The following PPM1J variants were observed in gnomAD, a reference collection of about 807,000 sequenced individuals.
PPM1J encodes protein phosphatase 1J.
Under a neutral mutation model 53.3 loss-of-function variants are expected in PPM1J, and 43 were observed. The observed-to-expected ratio is 0.81, with a 90% CI of 0.63 to 1.04. PPM1J has a LOEUF of 1.04. Ranked by LOEUF, PPM1J falls within the 50% of genes least tolerant of loss-of-function variation. The pLI is 0.00. For missense variants in PPM1J, 635 were observed against 685.9 expected, an observed-to-expected ratio of 0.93 and a Z score of 0.83; for synonymous variants, 267 against 286.4, an observed-to-expected ratio of 0.93 and a Z score of 0.68.
At position 112,710,452 on chromosome 1, in the gene PPM1J, G is replaced by T. The variant is rs753026059; in HGVS notation, c.1370+8C>A. ...CATCCCCTTACCACCATGCCATGCAGCCCCTACCTGCTGTGGTCATTAGGC... is the reference window on the plus strand; with the variant it reads ...CATCCCCTTACCACCATGCCATGCATCCCCTACCTGCTGTGGTCATTAGGC... On this transcript the variant is annotated splice_region_variant and intron_variant, in intron 9 of 9. Coordinates refer to ENST00000309276, the MANE Select transcript of PPM1J (RefSeq NM_005167.7). 3.8e-5 allele frequency: 61 copies of T among 1,613,410 alleles called. No homozygotes were observed. Among genetic ancestry groups the T allele is most frequent in the Non-Finnish European group, 4.9e-5 (58 of 1,179,974 alleles).
intron 1 of PPM1J, among the ~76,000 whole-genome samples, chr1:112,713,848 G>A (rs1233191640): frequency 1.3e-5 from 2 of 151,856 alleles, no homozygotes; most frequent in South Asian, 2.1e-4. Flanking sequence ...CTGGCCAACC[G>A]CTATGTCCCC....
At position 112,712,460 on chromosome 1, in the gene PPM1J, GCC is replaced by G. The variant is rs1371348937; in HGVS notation, c.730-5_730-4del. The G allele has an allele frequency of 4.3e-6, 7 of 1,612,458 alleles. No individual in the cohort carries two copies. The South Asian group carries it at 7.7e-5, about 18-fold the overall frequency. Reference sequence around the variant, plus strand: ...CGCTCCCGGGCCATCTGCTCATCCTGCCACATAAGGAAGGGTCAGAGGTGGGT... The same window carrying G: ...CGCTCCCGGGCCATCTGCTCATCCTGACATAAGGAAGGGTCAGAGGTGGGT... On this transcript the variant is annotated splice_polypyrimidine_tract_variant and splice_region_variant and intron_variant, in intron 3 of 9. Transcript: ENST00000309276.
chr1:112,711,914 G>A, intron 5 of PPM1J, 57 bp downstream of exon 5: 1 of 1,244,452 alleles, frequency 8.0e-7, no homozygotes, highest in South Asian at 1.3e-5. Flanking sequence ...GCCATGGGGT[G>A]CAGGGAGGCA....
rs1675096997 is a variant in PPM1J, at chr1:112,712,804, C to T, written c.669G>A (p.Gln223=). The change falls in exon 3 of 10, where the codon CAG becomes CAA. Residue 223 remains glutamine, a synonymous_variant. Transcript: ENST00000309276. ...CCAGGCTCTCGTGGCTCACTTCCTT[C>T]TGTGAAGACCAGCAGGACTGAGGGC... The part of the protein sequence containing the change: ...LLGPQSCWSS[Q]KEVSHESLVV... 8.1e-6 allele frequency: 13 copies of T among 1,613,132 alleles called. No homozygotes were observed. Among genetic ancestry groups the T allele is most frequent in the Non-Finnish European group, 1.0e-5 (12 of 1,180,022 alleles).
chr1:112,712,083 A>AC, intron 4 of PPM1J, 28 bp from the exon 5 acceptor site: 2 of 1,568,676 alleles, frequency 1.3e-6, no homozygotes, highest in Non-Finnish European at 1.7e-6. Context: ...AGGAATTGGG[A>AC]CCTGGTTCTC....
chr1:112,711,476 TTAA>T, intron 5 of PPM1J, 92 bp from the exon 6 acceptor site: 2 of 700,996 alleles, frequency 2.9e-6, no homozygotes, highest in Non-Finnish European at 5.0e-6. Context: ...CAGCAGACCC[TTAA>T]ACAGAGTTTA....
chr1:112,715,105 C>T lies in PPM1J; in HGVS notation c.197G>A (p.Ser66Asn). The T allele has an allele frequency of 6.4e-7, 1 of 1,560,954 alleles. No homozygotes were observed. Among genetic ancestry groups the T allele is most frequent in the Non-Finnish European group, 8.6e-7 (1 of 1,163,436 alleles). Residue 66 changes from serine to asparagine, a missense_variant, in exon 1 of 10, where the codon AGC becomes AAC. Coordinates refer to ENST00000309276, the MANE Select transcript of PPM1J (RefSeq NM_005167.7). The surrounding 1 kb of genome is among the most constrained non-coding windows in gnomAD (Gnocchi z 4.4). The part of the protein sequence containing the change: ...TPAKAVEARA[S>N]FSRPTFLQLS... ...CTGCAGAAAGGTCGGTCTGGAGAAG[C>T]TCGCTCGAGCCTCAACAGCCTTCGC...
intron 2 of PPM1J, 55 bp from the exon 3 acceptor site, chr1:112,713,086 G>C (rs897606990): frequency 2.3e-4 from 321 of 1,409,848 alleles, no homozygotes; most frequent in Non-Finnish European, 2.9e-4. Flanking sequence ...GTGTGTGTGT[G>C]TGTGTGTGTG....
In PPM1J at chr1:112,715,312, T is replaced by TGCCCCGCCCTCGGCCGCG. The variant is rs1041715448; in HGVS notation, c.-29_-12dup. The TGCCCCGCCCTCGGCCGCG allele has an allele frequency of 3.5e-5, 43 of 1,240,116 alleles. 1 individual carries two copies. In the East Asian group the frequency reaches 4.5e-4, roughly 13 times the overall value. The allele number at this position is 1,240,116 out of a possible 1,614,324, so 76.8% of individuals were successfully genotyped here. On this transcript the variant is annotated 5_prime_UTR_variant, in exon 1 of 10. Transcript: ENST00000309276. This position sits in a 1 kb window ranked among gnomAD's most constrained non-coding sequence, Gnocchi z 4.4. ...CACCCGGTTTAGCATGCTGCCTCCCTGCCCCGCCCTCGGCCGCGGCCCCGC... is the reference window on the plus strand; with the variant it reads ...CACCCGGTTTAGCATGCTGCCTCCCTGCCCCGCCCTCGGCCGCGGCCCCGCCCTCGGCCGCGGCCCCGC...
At chr1:112,710,385 G>T in intron 9 of PPM1J, 75 bp from the exon 10 acceptor site, 2 of 1,610,862 alleles carry the variant, frequency 1.2e-6, no homozygotes, top group Non-Finnish European at 1.7e-6. Context: ...CACATGTGGG[G>T]TCCCAAGCAT....
At chr1:112,711,935 C>A in intron 5 of PPM1J, 36 bp downstream of exon 5, 1 of 1,500,206 alleles carries the variant, frequency 6.7e-7, no homozygotes, top group Non-Finnish European at 9.2e-7. Context: ...CAAGACCCGA[C>A]AAAGAATGGG....
Position 112,712,028 on chromosome 1 carries a change from G to C in PPM1J, c.870C>G (p.Ile290Met), listed in dbSNP as rs745609401. 6.2e-7 allele frequency: 1 copy of C among 1,610,740 alleles called. No homozygotes were observed. The highest frequency in any genetic ancestry group is 8.5e-7 in the Non-Finnish European group (1 of 1,177,650). The change falls in exon 5 of 10, where the codon ATC becomes ATG. Residue 290 changes from isoleucine to methionine, a missense_variant. Coordinates refer to ENST00000309276, the MANE Select transcript of PPM1J (RefSeq NM_005167.7). ...GGGTAAACTCCCGGGACATTGGAAT[G>C]ATTTCACCATTCCGGACAATGATGG... ...SRAIIVRNGE[I>M]IPMSREFTPE...
chr1:112,714,021 C>T (rs1302223809), intron 1 of PPM1J: 2 of 1,075,762 alleles, frequency 1.9e-6, no homozygotes, highest in Non-Finnish European at 2.3e-6. Flanking sequence ...CTCCCAGTGC[C>T]TTGTCCCCAG....
chr1:112,712,923 G>T lies in PPM1J; in HGVS notation c.550C>A (p.Leu184Met). The T allele has an allele frequency of 6.2e-7, 1 of 1,614,030 alleles. No homozygotes were observed. The highest frequency in any genetic ancestry group is 1.1e-5 in the South Asian group (1 of 91,074). The change falls in exon 3 of 10, where the codon CTG becomes ATG. Residue 184 changes from leucine (L) to methionine (M), a missense_variant. By Grantham distance (15) the Leu-to-Met change is conservative. Coordinates refer to ENST00000309276, the MANE Select transcript of PPM1J (RefSeq NM_005167.7). ...GAAGGGTCCTGAAGTATCTCTACCA[G>T]GTCCTTTAGCTGCTCTCGGATATGG... is the stretch of plus-strand genomic sequence containing the variant. ...HRHIREQLKD[L>M]VEILQDPSPP...
intron 5 of PPM1J, among the ~76,000 whole-genome samples, chr1:112,711,645 G>T (rs7522283): frequency 6.8e-4 from 104 of 152,150 alleles, no homozygotes; most frequent in Non-Finnish European, 1.3e-3. Context: ...GATGCATCCC[G>T]GGCTTCCAGC....
chr1:112,714,035 C>CTCAT (rs761203114), intron 1 of PPM1J: 12 of 1,057,260 alleles, frequency 1.1e-5, no homozygotes, highest in Non-Finnish European at 1.4e-5. Flanking sequence ...TCCCCAGCAC[C>CTCAT]TCATCCTCAT....
In PPM1J at chr1:112,710,126, T is replaced by A; in HGVS notation, c.*37A>T. 16 of 1,518,404 alleles carry A rather than the reference T, an allele frequency of 1.1e-5. No individual in the cohort carries two copies. Among genetic ancestry groups the A allele is most frequent in the Non-Finnish European group, 1.4e-5 (16 of 1,135,632 alleles). 94.1% of individuals were successfully genotyped at this position (1,518,404 alleles called of 1,614,324 possible). A position where few individuals can be genotyped will look rare whatever the true frequency, so the allele number is the denominator to read the frequency against. Reference sequence around the variant, plus strand: ...GAATTTGGGCTGTGAGAGGAGTAAGTATGGAGAGGCTAGTGGGAGGGATGG... The same window carrying A: ...GAATTTGGGCTGTGAGAGGAGTAAGAATGGAGAGGCTAGTGGGAGGGATGG... On this transcript the variant is annotated 3_prime_UTR_variant, in exon 10 of 10. Transcript: ENST00000309276.
In PPM1J at chr1:112,712,507, C is replaced by G. The variant is rs368286437; in HGVS notation, c.730-50G>C. The stretch of plus-strand genomic sequence containing the variant: ...GTGGGTAGAAGGAGAGGTTCCAGCA[C>G]ACAGTCACCCTCCCCCTACCCCCTC... On this transcript the variant is annotated intron_variant, in intron 3 of 9. Coordinates refer to ENST00000309276, the MANE Select transcript of PPM1J (RefSeq NM_005167.7). The G allele has an allele frequency of 5.3e-6, 8 of 1,496,054 alleles. No individual in the cohort carries two copies. In the African/African-American group the frequency reaches 1.1e-4, roughly 21 times the overall value. 92.7% of individuals were successfully genotyped at this position (1,496,054 alleles called of 1,614,324 possible).
chr1:112,713,677 A>C, intron 1 of PPM1J, 66 bp from the exon 2 acceptor site: 2 of 1,268,836 alleles, frequency 1.6e-6, no homozygotes, highest in Non-Finnish European at 2.3e-6. Context: ...CCCCCACCTT[A>C]GACACACACC....
Sources: gnomAD v4.1 joint callset for allele counts (sites outside exome capture counted in the v4.1 genomes callset) on GRCh38, gnomAD v4.1.1 for gene constraint, Gnocchi (gnomAD v3.1) non-coding constraint, MANE v1.5 for transcripts, NCBI Gene and HGNC (gene_info 2026-07-23, HGNC 2026-07-21) for gene names.